The following PRKN variants were observed in gnomAD, a reference collection of about 807,000 sequenced individuals.
PRKN encodes E3 ubiquitin-protein ligase parkin.
PRKN carries 56 observed loss-of-function variants against 59.5 expected under a neutral mutation model. That is an observed-to-expected ratio of 0.94 (90% CI 0.76 to 1.18). PRKN has a LOEUF of 1.18. PRKN is among the 50% of genes most tolerant of loss of function. PRKN has a pLI of 0.00. For synonymous variants in PRKN, 250 were observed against 222.1 expected (o/e 1.13, Z -1.12); for missense variants, 657 against 596.4 (o/e 1.10, Z -1.06).
chr6:162,417,896 T>A (rs1788724194), intron 2 of PRKN, among the ~76,000 whole-genome samples: 1 of 152,186 alleles, frequency 6.6e-6, no homozygotes, highest in Non-Finnish European at 1.5e-5. Context: ...CATGAACTCT[T>A]GATTACTGAT....
chr6:161,881,415 C>T (rs943544532), intron 6 of PRKN, among the ~76,000 whole-genome samples: 4 of 152,120 alleles, frequency 2.6e-5, no homozygotes, highest in Non-Finnish European at 5.9e-5. Flanking sequence ...TGGACCTGTC[C>T]GGTGAGTGCA....
intron 1 of PRKN, among the ~76,000 whole-genome samples, chr6:162,666,510 C>G (rs532489479): frequency 6.6e-6 from 1 of 151,852 alleles, no homozygotes; most frequent in Admixed American, 6.6e-5. Context: ...CCTAGGAGAG[C>G]GAAATGTCCT....
intron 9 of PRKN, among the ~76,000 whole-genome samples, chr6:161,439,282 T>C (rs544515927): frequency 6.6e-6 from 1 of 152,020 alleles, no homozygotes; most frequent in African/African-American, 2.4e-5. Context: ...TCCAAAAACA[T>C]GGAGGAAATC....
chr6:161,936,905 C>T (rs1779380415), intron 6 of PRKN, among the ~76,000 whole-genome samples: 1 of 148,298 alleles, frequency 6.7e-6, no homozygotes, highest in Admixed American at 6.6e-5. Context: ...CCTGCCTCAG[C>T]CTCCCAAGTA....
intron 7 of PRKN, among the ~76,000 whole-genome samples, chr6:161,611,924 A>T (rs1334920917): frequency 1.3e-5 from 2 of 152,234 alleles, no homozygotes; most frequent in Non-Finnish European, 2.9e-5. Context: ...CACACAAATG[A>T]TAAGAAAGCA....
intron 2 of PRKN, among the ~76,000 whole-genome samples, chr6:162,339,876 C>T (rs1352679856): frequency 6.7e-6 from 1 of 149,228 alleles, no homozygotes; most frequent in Non-Finnish European, 1.5e-5. Context: ...GCTGTGTCCA[C>T]TCAGGGTTGA....
chr6:162,259,705 C>A (rs190823946), intron 3 of PRKN, among the ~76,000 whole-genome samples: 1 of 152,176 alleles, frequency 6.6e-6, no homozygotes, highest in Admixed American at 6.5e-5. Context: ...ATAAAGCATT[C>A]GCTCTAAAAG....
chr6:161,550,953 TC>T lies in PRKN; in HGVS notation c.934-1951del, dbSNP rs1401971588. Among the ~76,000 whole-genome samples the T allele has an allele frequency of 4.6e-5, 7 of 152,058 alleles. No homozygotes were observed. The Middle Eastern group carries it at 0.01, about 223-fold the overall frequency. On this transcript the variant is annotated intron_variant, in intron 8 of 11. Transcript: ENST00000366898. The surrounding 1 kb of genome is among the most constrained non-coding windows in gnomAD (Gnocchi z 4.0). ...TCTAATCCATTTTCTCATTCTTCTG[TC>T]CCCAGGAAAGAAAGAAAAAGATGAC...
At chr6:161,865,083 C>T (rs1794060830) in intron 6 of PRKN, among the ~76,000 whole-genome samples, 1 of 152,186 alleles carries the variant, frequency 6.6e-6, no homozygotes, top group Non-Finnish European at 1.5e-5. Flanking sequence ...GGTGTTGTGT[C>T]AGCAGGGATG....
At chr6:161,986,979 A>T (rs180868583) in intron 5 of PRKN, among the ~76,000 whole-genome samples, 404 of 152,336 alleles carry the variant, frequency 2.7e-3, no homozygotes, top group Non-Finnish European at 4.7e-3. Context: ...ATGACTTTAG[A>T]CTTGGAATCT....
rs141329670 is a variant in PRKN, at chr6:162,193,499, CTCT to C, written c.534+7629_534+7631del. On this transcript the variant is annotated intron_variant, in intron 4 of 11. Coordinates refer to ENST00000366898, the MANE Select transcript of PRKN (RefSeq NM_004562.3). ...CCTGAACTCGTCTATCCCCTCCATC[CTCT>C]TCTTCTCTTAACTATGCCTCTGCTC... is the stretch of plus-strand genomic sequence containing the variant. Among the ~76,000 whole-genome samples the C allele has an allele frequency of 1.1e-3, 163 of 152,286 alleles. 3 individuals carry two copies. The East Asian group carries it at 0.029, about 27-fold the overall frequency.
chr6:161,799,349 AG>A (rs1790985203), intron 6 of PRKN, among the ~76,000 whole-genome samples: 1 of 152,238 alleles, frequency 6.6e-6, no homozygotes, highest in South Asian at 2.1e-4. Flanking sequence ...GACAAAAGCG[AG>A]GCAAACAACA....
At chr6:162,584,901 CCTCTT>C (rs1562409777) in intron 1 of PRKN, among the ~76,000 whole-genome samples, 4 of 87,052 alleles carry the variant, frequency 4.6e-5, no homozygotes, top group Admixed American at 1.2e-4. Flanking sequence ...CCTCCCCTCT[CCTCTT>C]CTCTTTTCTT....
intron 1 of PRKN, among the ~76,000 whole-genome samples, chr6:162,597,420 T>C (rs1781534203): frequency 6.6e-6 from 1 of 152,198 alleles, no homozygotes; most frequent in Non-Finnish European, 1.5e-5. Context: ...CTGTTTCATA[T>C]CCTTAAATAT....
chr6:161,940,701 C>A (rs948955612), intron 6 of PRKN, among the ~76,000 whole-genome samples: 1 of 152,114 alleles, frequency 6.6e-6, no homozygotes, highest in East Asian at 1.9e-4. Flanking sequence ...ATTTCAGATC[C>A]TGAAAAAGAA....
At chr6:162,379,319 G>A (rs1039249933) in intron 2 of PRKN, among the ~76,000 whole-genome samples, 121 of 152,234 alleles carry the variant, frequency 7.9e-4, no homozygotes, top group African/African-American at 2.8e-3. Flanking sequence ...CTGGGAGTAG[G>A]AGTCCTCAAT....
rs1777869326 is a variant in PRKN, at chr6:161,499,258, T to C, written c.1083+49596A>G. Among the ~76,000 whole-genome samples the C allele has an allele frequency of 6.6e-6, 1 of 152,028 alleles. No homozygotes were observed. The highest frequency in any genetic ancestry group is 2.4e-5 in the African/African-American group (1 of 41,378). Reference sequence around the variant, plus strand: ...GCTAAAGTGAAGAATGAGGACACCCTGGGCCTCCACTCCTTCCCTTCAGTT... The same window carrying C: ...GCTAAAGTGAAGAATGAGGACACCCCGGGCCTCCACTCCTTCCCTTCAGTT... On this transcript the variant is annotated intron_variant, in intron 9 of 11. Coordinates refer to ENST00000366898, the MANE Select transcript of PRKN (RefSeq NM_004562.3). This position sits in a 1 kb window ranked among gnomAD's most constrained non-coding sequence, Gnocchi z 4.2.
chr6:161,715,918 T>A (rs1035731996), intron 7 of PRKN, among the ~76,000 whole-genome samples: 2 of 152,212 alleles, frequency 1.3e-5, no homozygotes, highest in Non-Finnish European at 2.9e-5. Flanking sequence ...GCAACATCTA[T>A]GAATTTGTTA....
In PRKN at chr6:162,355,388, A is replaced by AATCTATCTATCTATCTATCTATCTATCT. The variant is rs534864850; in HGVS notation, c.171+87921_171+87922insAGATAGATAGATAGATAGATAGATAGAT. ...GAACTTAAATTTTAACACCATCTGT[A>AATCTATCTATCTATCTATCTATCTATCT]ATCTATCTATCTATCTATCTATATA... On this transcript the variant is annotated intron_variant, in intron 2 of 11. Transcript: ENST00000366898. Among the ~76,000 whole-genome samples, 125 of 151,470 alleles carry AATCTATCTATCTATCTATCTATCTATCT rather than the reference A, an allele frequency of 8.3e-4. 1 individual carries two copies. The highest frequency in any genetic ancestry group is 2.9e-3 in the African/African-American group (121 of 41,156).
Sources: allele counts gnomAD v4.1 joint callset (sites outside exome capture counted in the v4.1 genomes callset), GRCh38; gene constraint gnomAD v4.1.1; non-coding constraint Gnocchi (gnomAD v3.1); transcripts MANE v1.5; gene names NCBI Gene and HGNC (gene_info 2026-07-23, HGNC 2026-07-21).